ADGRA1: variants seen among roughly 807,000 people sequenced by gnomAD.
ADGRA1 encodes adhesion G protein-coupled receptor A1, also known as G-protein coupled receptor 123.
Under a neutral mutation model 21.3 loss-of-function variants are expected in ADGRA1, and 12 were observed. The observed-to-expected ratio is 0.56, with a 90% CI of 0.36 to 0.91. ADGRA1 has a LOEUF of 0.91. ADGRA1 is among the 40% of genes least tolerant of loss of function. ADGRA1 has a pLI of 0.01. For missense variants in ADGRA1, 790 were observed against 805.6 expected, an observed-to-expected ratio of 0.98 and a Z score of 0.23; for synonymous variants, 385 against 368.8, an observed-to-expected ratio of 1.04 and a Z score of -0.50.
intron 2 of ADGRA1, among the ~76,000 whole-genome samples, chr10:133,096,571 C>G (rs1851693232): frequency 6.6e-6 from 1 of 152,240 alleles, no homozygotes; most frequent in Non-Finnish European, 1.5e-5. Context: ...CTGGGGCCAT[C>G]CCATGGTTTC....
At chr10:133,091,098 G>A (rs899075382) in intron 2 of ADGRA1, among the ~76,000 whole-genome samples, 1 of 152,238 alleles carries the variant, frequency 6.6e-6, no homozygotes, top group Non-Finnish European at 1.5e-5. Flanking sequence ...TTACGTTCCA[G>A]CAGGCTCCGA....
Position 133,088,796 on chromosome 10 carries a change from G to C in ADGRA1, c.-114G>C. ...GCGCGACCTCCTGGCCGCCGTCTGG[G>C]ACTTTGACCTTCCAGAGGCCATGGA... On this transcript the variant is annotated 5_prime_UTR_variant, in exon 2 of 7. Coordinates refer to ENST00000392607, the MANE Select transcript of ADGRA1 (RefSeq NM_001083909.3). The C allele has an allele frequency of 8.1e-7, 1 of 1,233,002 alleles. No individual in the cohort carries two copies. Among genetic ancestry groups the C allele is most frequent in the South Asian group, 4.1e-5 (1 of 24,240 alleles). 76.4% of individuals were successfully genotyped at this position (1,233,002 alleles called of 1,614,324 possible). A position where few individuals can be genotyped will look rare whatever the true frequency, so the allele number is the denominator to read the frequency against.
At chr10:133,121,478 ATG>A (rs200362848) in intron 5 of ADGRA1, among the ~76,000 whole-genome samples, 1 of 126,738 alleles carries the variant, frequency 7.9e-6, no homozygotes, top group Non-Finnish European at 1.6e-5. Flanking sequence ...GCGTGTGTGC[ATG>A]TGTGGTGTGT....
At chr10:133,102,484 G>A in intron 4 of ADGRA1, 1 of 672,984 alleles carries the variant, frequency 1.5e-6, no homozygotes, top group Non-Finnish European at 2.7e-6. Context: ...TGTGCAGAAG[G>A]GGAGGAAAGC....
rs1852472318 is a variant in ADGRA1, at chr10:133,129,623, T to TTCACACCTCTGCCCCTTCCTTGTGA, written c.*119_*120insTCTGCCCCTTCCTTGTGATCACACC. ...AAGTGACCCCGCCTTTCAGAAGCCGTTCACACCCCTGCCCCTTCCTTGTGA... is the reference window on the plus strand; with the variant it reads ...AAGTGACCCCGCCTTTCAGAAGCCGTTCACACCTCTGCCCCTTCCTTGTGATCACACCCCTGCCCCTTCCTTGTGA... On this transcript the variant is annotated 3_prime_UTR_variant, in exon 7 of 7. Coordinates refer to ENST00000392607, the MANE Select transcript of ADGRA1 (RefSeq NM_001083909.3). 5 of 725,018 alleles carry TTCACACCTCTGCCCCTTCCTTGTGA rather than the reference T, an allele frequency of 6.9e-6. No homozygotes were observed. Among genetic ancestry groups the TTCACACCTCTGCCCCTTCCTTGTGA allele is most frequent in the Non-Finnish European group, 1.0e-5 (5 of 482,546 alleles). The allele number at this position is 725,018 out of a possible 1,614,324, so 44.9% of individuals were successfully genotyped here. A position where few individuals can be genotyped will look rare whatever the true frequency, so the allele number is the denominator to read the frequency against.
intron 4 of ADGRA1, among the ~76,000 whole-genome samples, chr10:133,101,406 C>T (rs990638664): frequency 2.6e-5 from 4 of 152,222 alleles, no homozygotes; most frequent in African/African-American, 7.2e-5. Flanking sequence ...GCCCTGGGTC[C>T]GGCGGGGTGG....
chr10:133,113,093 C>T (rs571477426), intron 5 of ADGRA1, among the ~76,000 whole-genome samples: 31 of 142,342 alleles, frequency 2.2e-4, no homozygotes, highest in Non-Finnish European at 3.6e-4. Context: ...CGTGTCGGTT[C>T]GGTTATTTGG....
chr10:133,089,443 C>G (rs745519876), intron 2 of ADGRA1, among the ~76,000 whole-genome samples: 4 of 152,214 alleles, frequency 2.6e-5, no homozygotes, highest in African/African-American at 9.7e-5. Flanking sequence ...GGAAGGGGCT[C>G]GTGGCTGGCA....
chr10:133,090,409 G>A (rs1851579070), intron 2 of ADGRA1, among the ~76,000 whole-genome samples: 1 of 152,248 alleles, frequency 6.6e-6, no homozygotes, highest in Non-Finnish European at 1.5e-5. Context: ...GATCTGCCTG[G>A]AGAGTGTGGC....
At chr10:133,089,144 G>A in intron 2 of ADGRA1, 1 of 672,410 alleles carries the variant, frequency 1.5e-6, no homozygotes, top group Non-Finnish European at 2.1e-6. Context: ...CTAATGAGTT[G>A]CAGGCATATG....
chr10:133,095,664 C>G (rs759331103), intron 2 of ADGRA1: 1 of 1,596,122 alleles, frequency 6.3e-7, no homozygotes, highest in Non-Finnish European at 8.5e-7. Flanking sequence ...ACCCTCTGTC[C>G]ACGGTGGACA....
At position 133,121,811 on chromosome 10, in the gene ADGRA1, T is replaced by TTG. The variant is rs752819208; in HGVS notation, c.402-5413_402-5412dup. On this transcript the variant is annotated intron_variant, in intron 5 of 6. Coordinates refer to ENST00000392607, the MANE Select transcript of ADGRA1 (RefSeq NM_001083909.3). ...TGTGCCAGTGTGTGTGTGAGTGTGC[T>TTG]TGTGTGTGTGCATGCCTGTGCATAT... Among the ~76,000 whole-genome samples, 5 of 145,476 alleles carry TTG rather than the reference T, an allele frequency of 3.4e-5. No homozygotes were observed. In the South Asian group the frequency reaches 6.7e-4, roughly 20 times the overall value.
intron 5 of ADGRA1, among the ~76,000 whole-genome samples, chr10:133,122,044 TG>T (rs930356127): frequency 8.0e-4 from 121 of 151,436 alleles, no homozygotes; most frequent in Non-Finnish European, 1.3e-3. Flanking sequence ...TGTGTGAGAG[TG>T]GGGGGGCATG....
At chr10:133,111,885 CA>C in intron 5 of ADGRA1, among the ~76,000 whole-genome samples, 1 of 102,376 alleles carries the variant, frequency 9.8e-6, no homozygotes, top group Non-Finnish European at 2.0e-5. Context: ...ACCACCTGCC[CA>C]CCACAGACAC....
intron 2 of ADGRA1, chr10:133,093,038 C>T (rs773428083): frequency 1.3e-6 from 2 of 1,594,896 alleles, no homozygotes; most frequent in East Asian, 4.5e-5. Context: ...GCAGACCTGG[C>T]CCCGGACACC....
chr10:133,107,625 G>A (rs1446858420), intron 5 of ADGRA1, among the ~76,000 whole-genome samples: 1 of 152,092 alleles, frequency 6.6e-6, no homozygotes, highest in Admixed American at 6.6e-5. Context: ...TTATGTGGAT[G>A]TTCACAGCTA....
chr10:133,106,728 C>G (rs1851899922), intron 5 of ADGRA1, among the ~76,000 whole-genome samples: 1 of 152,274 alleles, frequency 6.6e-6, no homozygotes, highest in African/African-American at 2.4e-5. Context: ...ATGGACGTCA[C>G]ACAGAGTGTG....
chr10:133,097,014 A>G lies in ADGRA1; in HGVS notation c.44A>G (p.Glu15Gly). Residue 15 changes from glutamate (E) to glycine (G), a missense_variant, in exon 3 of 7, where the codon GAG (glutamate) becomes GGG (glycine). Around this residue, in one of 3 missense-constraint regions of ADGRA1, gnomAD observed 382 missense variants for 415.6 expected, o/e 0.92. Transcript: ENST00000392607. Reference sequence around the variant, plus strand: ...CTCTCCCTGCCCCGCTACCCAGGGGAGTTCCTGCACCCCGTGGTGTACGCG... The same window carrying G: ...CTCTCCCTGCCCCGCTACCCAGGGGGGTTCCTGCACCCCGTGGTGTACGCG... ...TVLSLPRYPG[E>G]FLHPVVYACT... 6.2e-7 allele frequency: 1 copy of G among 1,613,266 alleles called. No individual in the cohort carries two copies. The highest frequency in any genetic ancestry group is 1.1e-5 in the South Asian group (1 of 91,074).
At chr10:133,097,984 T>G (rs1469095197) in intron 3 of ADGRA1, among the ~76,000 whole-genome samples, 1 of 152,178 alleles carries the variant, frequency 6.6e-6, no homozygotes, top group Non-Finnish European at 1.5e-5. Context: ...TGGTGGTTAG[T>G]GCCGTCCTAC....
Sources: allele counts gnomAD v4.1 joint callset (sites outside exome capture counted in the v4.1 genomes callset), GRCh38; gene constraint gnomAD v4.1.1; regional missense constraint gnomAD v4.1.1; transcripts MANE v1.5; gene names NCBI Gene and HGNC (gene_info 2026-07-23, HGNC 2026-07-21).